IGFL4: variants seen among roughly 807,000 people sequenced by gnomAD.
The protein encoded by IGFL4 is insulin growth factor-like family member 4.
A neutral mutation model predicts 15.4 loss-of-function variants in IGFL4; 12 were observed. The ratio of observed to expected loss-of-function variants is 0.78; its 90% CI spans 0.50 to 1.26. The LOEUF is 1.26. Ranked by LOEUF, IGFL4 falls within the 50% of genes most tolerant of loss-of-function variation. IGFL4 has a pLI of 0.00. For synonymous variants in IGFL4, 54 were observed against 55.9 expected, an observed-to-expected ratio of 0.97 and a Z score of 0.16; for missense variants, 126 against 147.8, an observed-to-expected ratio of 0.85 and a Z score of 0.76.
intron 1 of IGFL4, among the ~76,000 whole-genome samples, chr19:46,066,449 C>G (rs1568716132): frequency 6.6e-6 from 1 of 152,150 alleles, no homozygotes; most frequent in Admixed American, 6.5e-5. Flanking sequence ...AAAGAAGTAC[C>G]AATACTTCTT....
At chr19:46,052,477 G>C (rs1407049864) in intron 2 of IGFL4, among the ~76,000 whole-genome samples, 1 of 151,960 alleles carries the variant, frequency 6.6e-6, no homozygotes, top group East Asian at 1.9e-4. Flanking sequence ...AAACCTCTGG[G>C]ATACAACAAA....
chr19:46,051,631 T>C (rs1454472757), intron 2 of IGFL4, among the ~76,000 whole-genome samples: 5 of 152,082 alleles, frequency 3.3e-5, no homozygotes, highest in Admixed American at 6.6e-5. Context: ...GTACCTCACA[T>C]CTCAATACTA....
Position 46,040,797 on chromosome 19 carries a change from A to T in IGFL4, c.19+147T>A, listed in dbSNP as rs1203792045. 7.4e-6 allele frequency: 7 copies of T among 944,392 alleles called. No individual in the cohort carries two copies. Among genetic ancestry groups the T allele is most frequent in the Non-Finnish European group, 1.2e-5 (7 of 601,728 alleles). The allele number at this position is 944,392 out of a possible 1,614,324, so 58.5% of individuals were successfully genotyped here. ...ATTTGCAGTTCAGGAGACAGATTAC[A>T]ATGCAGTCACAGATGACATAGCAGT... is the stretch of plus-strand genomic sequence containing the variant. On this transcript the variant is annotated intron_variant, in intron 1 of 3. Coordinates refer to ENST00000377697, the MANE Select transcript of IGFL4 (RefSeq NM_001002923.3). This position sits in a 1 kb window ranked among gnomAD's most constrained non-coding sequence, Gnocchi z 4.1.
intron 1 of IGFL4, among the ~76,000 whole-genome samples, chr19:46,073,800 A>G (rs1969568960): frequency 6.6e-6 from 1 of 152,042 alleles, no homozygotes; most frequent in Non-Finnish European, 1.5e-5. Flanking sequence ...CACAATCTCA[A>G]CTTCTTTTCT....
intron 1 of IGFL4, among the ~76,000 whole-genome samples, chr19:46,064,694 G>C (rs1969478183): frequency 6.6e-6 from 1 of 152,134 alleles, no homozygotes; most frequent in Non-Finnish European, 1.5e-5. Flanking sequence ...TTTTGTGTAA[G>C]TACCCCATAG....
At chr19:46,041,168 C>T (rs907274600), upstream of IGFL4, 10 of 544,096 alleles carry the variant, frequency 1.8e-5, no homozygotes, top group East Asian at 3.2e-4. Flanking sequence ...GGACCTGTTC[C>T]AAGTGGTTGC....
At chr19:46,077,184 G>C (rs1969612061), upstream of IGFL4, 1 of 152,092 alleles carries the variant, frequency 6.6e-6, no homozygotes, top group Admixed American at 6.6e-5. The surrounding 1 kb of genome is among the most constrained non-coding windows in gnomAD (Gnocchi z 5.4). Context: ...GCGTTCACCC[G>C]GGTGCCGGTG....
At chr19:46,052,533 C>T (rs1423912681) in intron 2 of IGFL4, among the ~76,000 whole-genome samples, 1 of 151,964 alleles carries the variant, frequency 6.6e-6, no homozygotes. Flanking sequence ...CTGAGCCTGG[C>T]CAACATGGTG....
chr19:46,062,470 G>T (rs1969453976), intron 1 of IGFL4, among the ~76,000 whole-genome samples: 1 of 152,200 alleles, frequency 6.6e-6, no homozygotes, highest in African/African-American at 2.4e-5. Flanking sequence ...AGCTTGCACA[G>T]GCTTTTAAGT....
intron 1 of IGFL4, chr19:46,060,353 C>T (rs894938390): frequency 2.0e-5 from 3 of 152,200 alleles, no homozygotes; most frequent in African/African-American, 7.2e-5. Context: ...AAGATCACCT[C>T]AGTCCTCTAT....
intron 1 of IGFL4, among the ~76,000 whole-genome samples, chr19:46,068,746 G>A (rs1969518259): frequency 6.6e-6 from 1 of 152,186 alleles, no homozygotes; most frequent in South Asian, 2.1e-4. Flanking sequence ...AATGCATTGG[G>A]AGCTCAGTCT....
chr19:46,064,730 G>A (rs56391220), intron 1 of IGFL4, among the ~76,000 whole-genome samples: 5,957 of 152,174 alleles, frequency 0.039, 195 homozygotes, highest in African/African-American at 0.076. Context: ...CCAAATTTTG[G>A]CTATTATGAA....
chr19:46,040,359 G>C lies in IGFL4; in HGVS notation c.128C>G (p.Pro43Arg), dbSNP rs1401001126. 1.2e-6 allele frequency: 2 copies of C among 1,614,186 alleles called. No homozygotes were observed. Among genetic ancestry groups the C allele is most frequent in the African/African-American group, 2.7e-5 (2 of 75,052 alleles). The change falls in exon 3 of 4, where the codon CCC (proline) becomes CGC (arginine). Residue 43 changes from proline (P) to arginine (R), a missense_variant. Coordinates refer to ENST00000377697, the MANE Select transcript of IGFL4 (RefSeq NM_001002923.3). The surrounding 1 kb of genome is among the most constrained non-coding windows in gnomAD (Gnocchi z 4.1). ...ACCGTCATCACAGCACTGCTCCAAG[G>C]GGTTGTAGGTCCACTCCCCGCACCT... ...APRCGEWTYN[P>R]LEQCCDDGVI...
In IGFL4 at chr19:46,040,267, G is replaced by A; in HGVS notation, c.220C>T (p.His74Tyr). 1 of 1,613,998 alleles carries A rather than the reference G, an allele frequency of 6.2e-7. No homozygotes were observed. Among genetic ancestry groups the A allele is most frequent in the Non-Finnish European group, 8.5e-7 (1 of 1,180,034 alleles). Reference sequence around the variant, plus strand: ...GAGCCCAAAGACTCCAGGCAGCAGTGCTGGAAGCAGGGCCAGAAGGTGCAG... The same window carrying A: ...GAGCCCAAAGACTCCAGGCAGCAGTACTGGAAGCAGGGCCAGAAGGTGCAG... Reference protein sequence around the residue: ...SSCTFWPCFQHCCLESLGSQN... With the variant: ...SSCTFWPCFQYCCLESLGSQN... The change falls in exon 3 of 4, where the codon CAC becomes TAC. Residue 74 changes from histidine to tyrosine, a missense_variant. By Grantham distance (83) the His-to-Tyr change is moderately conservative (BLOSUM62 2). Transcript: ENST00000377697. This position sits in a 1 kb window ranked among gnomAD's most constrained non-coding sequence, Gnocchi z 4.1.
chr19:46,059,446 A>G (rs6509252), intron 2 of IGFL4: 129,852 of 152,114 alleles, frequency 0.85, 55,888 homozygotes, highest in African/African-American at 0.93. Context: ...AGAAAGCATA[A>G]TTATGGTGAG....
chr19:46,040,290 C>G lies in IGFL4; in HGVS notation c.197G>C (p.Cys66Ser). ...LNQTRLCGSS[C>S]TFWPCFQHCC... ...GTGCTGGAAGCAGGGCCAGAAGGTG[C>G]AGCTGGAGCCGCAGAGCCGGGTCTG... The change falls in exon 3 of 4, where the codon TGC becomes TCC. Residue 66 changes from cysteine to serine, a missense_variant. Physicochemically the swap from Cys to Ser is moderately radical, Grantham distance 112 (BLOSUM62 -1). Transcript: ENST00000377697. This position sits in a 1 kb window ranked among gnomAD's most constrained non-coding sequence, Gnocchi z 4.1. The G allele has an allele frequency of 6.2e-7, 1 of 1,614,134 alleles. No homozygotes were observed.
Position 46,040,491 on chromosome 19 carries a change from C to T in IGFL4, c.70+27G>A. 1 of 1,614,162 alleles carries T rather than the reference C, an allele frequency of 6.2e-7. No individual in the cohort carries two copies. Among genetic ancestry groups the T allele is most frequent in the South Asian group, 1.1e-5 (1 of 91,090 alleles). On this transcript the variant is annotated intron_variant, in intron 2 of 3. Coordinates refer to ENST00000377697, the MANE Select transcript of IGFL4 (RefSeq NM_001002923.3). This position sits in a 1 kb window ranked among gnomAD's most constrained non-coding sequence, Gnocchi z 4.1. The stretch of plus-strand genomic sequence containing the variant: ...TCCCCACCAACCTTAATGCTGTTCT[C>T]TCCTCCCTCACTGCATCTGTTCTCA...
chr19:46,045,357 C>T (rs192861119), upstream of IGFL4, among the ~76,000 whole-genome samples: 108 of 151,392 alleles, frequency 7.1e-4, 1 homozygote, highest in South Asian at 8.3e-4. Context: ...GCAGGAGAAT[C>T]GCTTGAACCC....
intron 1 of IGFL4, among the ~76,000 whole-genome samples, chr19:46,065,722 A>G (rs142184830): frequency 6.6e-6 from 1 of 152,354 alleles, no homozygotes; most frequent in African/African-American, 2.4e-5. Context: ...GCCCCAGGAT[A>G]TTGTCCACAG....
Sources: gnomAD v4.1 joint callset for allele counts (sites outside exome capture counted in the v4.1 genomes callset) on GRCh38, gnomAD v4.1.1 for gene constraint, Gnocchi (gnomAD v3.1) non-coding constraint, MANE v1.5 for transcripts, NCBI Gene and HGNC (gene_info 2026-07-23, HGNC 2026-07-21) for gene names.